Variants in PTPRD observed in about 807,000 individuals in gnomAD.
PTPRD encodes the protein receptor-type tyrosine-protein phosphatase delta.
Under a neutral mutation model 214.5 loss-of-function variants are expected in PTPRD, and 34 were observed. The observed-to-expected ratio is 0.16, with a 90% CI of 0.12 to 0.21. The LOEUF is 0.21. Ranked by LOEUF, PTPRD falls within the 10% of genes least tolerant of loss-of-function variation. PTPRD has a pLI of 1.00. For synonymous variants in PTPRD, 1,128 were observed against 845.7 expected (o/e 1.33, Z -5.79); for missense variants, 2,545 against 2,398.7 (o/e 1.06, Z -1.27).
At chr9:9,916,619 T>TA (rs1024813684) in intron 5 of PTPRD, among the ~76,000 whole-genome samples, 7 of 151,916 alleles carry the variant, frequency 4.6e-5, no homozygotes, top group South Asian at 4.1e-4. Flanking sequence ...GTGAAAGTTA[T>TA]AAAAAAAGAT....
chr9:9,460,604 C>G (rs1035130909), intron 8 of PTPRD, among the ~76,000 whole-genome samples: 1 of 151,920 alleles, frequency 6.6e-6, no homozygotes, highest in Non-Finnish European at 1.5e-5. Flanking sequence ...CGAAGCGATG[C>G]AAATTAAAAC....
chr9:9,759,285 A>G (rs2098627859), intron 6 of PTPRD, among the ~76,000 whole-genome samples: 1 of 152,092 alleles, frequency 6.6e-6, no homozygotes, highest in African/African-American at 2.4e-5. Context: ...TTAAACTACT[A>G]TGTACCATTG....
At chr9:8,556,668 T>A (rs1410442411) in intron 14 of PTPRD, among the ~76,000 whole-genome samples, 1 of 152,200 alleles carries the variant, frequency 6.6e-6, no homozygotes, top group Non-Finnish European at 1.5e-5. Flanking sequence ...TGCTATATTA[T>A]AAGAGGTCAC....
chr9:9,908,462 C>T (rs1015186839), intron 5 of PTPRD, among the ~76,000 whole-genome samples: 1 of 151,986 alleles, frequency 6.6e-6, no homozygotes, highest in Non-Finnish European at 1.5e-5. Flanking sequence ...CACTGTAGGA[C>T]TCAAAGGAAA....
chr9:9,615,050 CA>C (rs1249927105), intron 7 of PTPRD, among the ~76,000 whole-genome samples: 17 of 152,124 alleles, frequency 1.1e-4, no homozygotes, highest in Admixed American at 6.5e-4. Context: ...GAAGGGTCAG[CA>C]ACGTGGGTGT....
At position 10,612,833 on chromosome 9, in the gene PTPRD, G is replaced by A. The variant is rs1169213592; in HGVS notation, c.-853C>T. The A allele has an allele frequency of 6.6e-6, 1 of 152,128 alleles. No homozygotes were observed. The highest frequency in any genetic ancestry group is 2.4e-5 in the African/African-American group (1 of 41,422). The allele number at this position is 152,128 out of a possible 1,614,324, so 9.4% of individuals were successfully genotyped here. A position where few individuals can be genotyped will look rare whatever the true frequency, so the allele number is the denominator to read the frequency against. ...GCCGATGAGCGGCTCCCGGCTCCTC[G>A]GAGAAGCAGCCGAGACGGCAAGGAG... On this transcript the variant is annotated 5_prime_UTR_variant, in exon 1 of 46. Coordinates refer to ENST00000381196, the MANE Select transcript of PTPRD (RefSeq NM_002839.4).
intron 5 of PTPRD, among the ~76,000 whole-genome samples, chr9:9,901,135 C>T (rs747890137): frequency 3.3e-5 from 5 of 152,034 alleles, no homozygotes; most frequent in Admixed American, 6.6e-5. Flanking sequence ...GTGTATAACA[C>T]GGCGAGACTG....
chr9:10,259,997 T>G (rs559456129), intron 3 of PTPRD, among the ~76,000 whole-genome samples: 6 of 152,332 alleles, frequency 3.9e-5, no homozygotes, highest in African/African-American at 1.4e-4. Context: ...TCTGAGACAG[T>G]CCACACCACT....
At chr9:8,393,679 G>A (rs1326045222) in intron 36 of PTPRD, among the ~76,000 whole-genome samples, 4 of 152,038 alleles carry the variant, frequency 2.6e-5, no homozygotes, top group East Asian at 3.9e-4. Flanking sequence ...GATTTCTCAT[G>A]CATTGTTTCA....
chr9:10,226,481 C>T lies in PTPRD; in HGVS notation c.-545+114482G>A, dbSNP rs145011435. On this transcript the variant is annotated intron_variant, in intron 3 of 45. Coordinates refer to ENST00000381196, the MANE Select transcript of PTPRD (RefSeq NM_002839.4). ...TGAGAAACTCTCCTAGATCCAGAGA[C>T]AGAGAGGCTGCATGAGGTGAAGCAG... Among the ~76,000 whole-genome samples, 795 of 152,130 alleles carry T rather than the reference C, an allele frequency of 5.2e-3. 4 individuals are homozygous for T. Among genetic ancestry groups the T allele is most frequent in the African/African-American group, 0.018 (758 of 41,552 alleles).
chr9:8,983,505 T>C (rs1165485312), intron 11 of PTPRD, among the ~76,000 whole-genome samples: 1 of 151,894 alleles, frequency 6.6e-6, no homozygotes, highest in African/African-American at 2.4e-5. Flanking sequence ...TTTTATACAT[T>C]TTCTTCCCCC....
At chr9:9,579,315 C>T (rs1207780562) in intron 7 of PTPRD, among the ~76,000 whole-genome samples, 2 of 152,062 alleles carry the variant, frequency 1.3e-5, no homozygotes, top group Non-Finnish European at 2.9e-5. Context: ...CATAGCAATC[C>T]TATCAGGTAT....
chr9:10,279,296 T>C (rs2094947865), intron 3 of PTPRD, among the ~76,000 whole-genome samples: 1 of 152,176 alleles, frequency 6.6e-6, no homozygotes, highest in Non-Finnish European at 1.5e-5. Context: ...AGATATCACC[T>C]TCATTAAAAC....
intron 9 of PTPRD, among the ~76,000 whole-genome samples, chr9:9,265,204 T>A (rs1194285975): frequency 6.6e-6 from 1 of 151,768 alleles, no homozygotes; most frequent in Middle Eastern, 3.4e-3. Context: ...GACAAAAATA[T>A]TGAAAATAAA....
intron 9 of PTPRD, among the ~76,000 whole-genome samples, chr9:9,388,331 G>T (rs970465669): frequency 1.3e-5 from 2 of 152,050 alleles, no homozygotes; most frequent in Non-Finnish European, 2.9e-5. Flanking sequence ...AGGTCTGTGG[G>T]GATGGAGCTT....
rs553688486 is a variant in PTPRD at position 9,396,700 on chromosome 9, C to G, written c.-203+749G>C. Among the ~76,000 whole-genome samples the G allele has an allele frequency of 8.1e-4, 123 of 152,116 alleles. 2 individuals are homozygous for G. The South Asian group carries it at 0.025, about 31-fold the overall frequency. On this transcript the variant is annotated intron_variant, in intron 9 of 45. Coordinates refer to ENST00000381196, the MANE Select transcript of PTPRD (RefSeq NM_002839.4). ...AAAGACACTCTTTCATAACATTTTC[C>G]TTATCGCAATTGAATAAGAACAAAA...
intron 11 of PTPRD, among the ~76,000 whole-genome samples, chr9:8,973,215 C>T (rs967792222): frequency 3.3e-5 from 5 of 151,862 alleles, no homozygotes; most frequent in African/African-American, 1.2e-4. Flanking sequence ...CTCCCTCCTC[C>T]TTCTCTCCTC....
At chr9:10,143,701 T>C (rs1246648750) in intron 3 of PTPRD, among the ~76,000 whole-genome samples, 1 of 152,108 alleles carries the variant, frequency 6.6e-6, no homozygotes, top group Non-Finnish European at 1.5e-5. Flanking sequence ...GTGGTACATA[T>C]ACACCATGGG....
intron 2 of PTPRD, among the ~76,000 whole-genome samples, chr9:10,434,251 A>C (rs2098702549): frequency 1.3e-5 from 2 of 151,856 alleles, no homozygotes; most frequent in Admixed American, 1.3e-4. Flanking sequence ...AAAGGTACCA[A>C]ATAAGACCTA....
Sources: gnomAD v4.1 joint callset for allele counts (sites outside exome capture counted in the v4.1 genomes callset) on GRCh38, gnomAD v4.1.1 for gene constraint, MANE v1.5 for transcripts, NCBI Gene and HGNC (gene_info 2026-07-23, HGNC 2026-07-21) for gene names.